The following SMPD3 variants were observed in gnomAD, a reference collection of about 807,000 sequenced individuals.
SMPD3 encodes nSMase-2.
Under a neutral mutation model 55.7 loss-of-function variants are expected in SMPD3, and 21 were observed. That is an observed-to-expected ratio of 0.38 (90% CI 0.27 to 0.54). SMPD3 has a LOEUF of 0.54. Among genes scored for constraint, SMPD3 ranks in the 20% least tolerant of loss-of-function variants. The probability of loss-of-function intolerance (pLI) is 0.80; values close to 1 mark genes in which losing one functional copy is unlikely to be tolerated. For synonymous variants in SMPD3, 457 were observed against 404.3 expected, an observed-to-expected ratio of 1.13 and a Z score of -1.56; for missense variants, 842 against 899.6, an observed-to-expected ratio of 0.94 and a Z score of 0.82.
intron 7 of SMPD3, among the ~76,000 whole-genome samples, chr16:68,361,967 G>A (rs981957770): frequency 2.0e-4 from 31 of 152,182 alleles, no homozygotes; most frequent in African/African-American, 7.5e-4. Flanking sequence ...CTGAATCTGG[G>A]CTCCGGAGCC....
chr16:68,443,781 A>G (rs2090586233), intron 1 of SMPD3, among the ~76,000 whole-genome samples: 1 of 152,264 alleles, frequency 6.6e-6, no homozygotes, highest in Non-Finnish European at 1.5e-5. Flanking sequence ...ATTTGATTAT[A>G]AACTTACATA....
At chr16:68,428,604 G>C (rs1391741301) in intron 1 of SMPD3, among the ~76,000 whole-genome samples, 2 of 152,224 alleles carry the variant, frequency 1.3e-5, no homozygotes, top group Non-Finnish European at 2.9e-5. Context: ...CGGTCACAGA[G>C]AGAAAAGGGC....
At chr16:68,384,897 G>C (rs1422521294) in intron 2 of SMPD3, among the ~76,000 whole-genome samples, 1 of 152,170 alleles carries the variant, frequency 6.6e-6, no homozygotes. Flanking sequence ...GGCCTCATCT[G>C]AGGCCACCTG....
At chr16:68,425,290 G>C (rs971784312) in intron 1 of SMPD3, among the ~76,000 whole-genome samples, 1 of 152,252 alleles carries the variant, frequency 6.6e-6, no homozygotes, top group Non-Finnish European at 1.5e-5. Context: ...CGAAGTCAAG[G>C]CTGGAACTGG....
intron 1 of SMPD3, among the ~76,000 whole-genome samples, chr16:68,388,795 C>G (rs1191093584): frequency 1.3e-5 from 2 of 152,148 alleles, no homozygotes; most frequent in Non-Finnish European, 2.9e-5. Context: ...CTTCTCTTTT[C>G]TCAAAGAAAA....
chr16:68,372,395 G>A lies in SMPD3; in HGVS notation c.-206-8C>T. ...GGAGGCCTACTGCAGACCCTGCAGAGACAAAAGTAGGGGGACTGTTTTTAG... is the reference window on the plus strand; with the variant it reads ...GGAGGCCTACTGCAGACCCTGCAGAAACAAAAGTAGGGGGACTGTTTTTAG... On this transcript the variant is annotated splice_polypyrimidine_tract_variant and splice_region_variant and intron_variant, in intron 2 of 8. Transcript: ENST00000219334. The A allele has an allele frequency of 3.2e-6, 2 of 619,666 alleles. No homozygotes were observed. Among genetic ancestry groups the A allele is most frequent in the South Asian group, 2.0e-5 (1 of 51,272 alleles). 38.4% of individuals were successfully genotyped at this position (619,666 alleles called of 1,614,324 possible).
chr16:68,377,875 G>T (rs2089858123), intron 2 of SMPD3, among the ~76,000 whole-genome samples: 1 of 152,222 alleles, frequency 6.6e-6, no homozygotes, highest in Non-Finnish European at 1.5e-5. Flanking sequence ...AGCCAGACCA[G>T]TTCTGCTGGT....
chr16:68,374,413 C>T lies in SMPD3; in HGVS notation c.-206-2026G>A, dbSNP rs573194327. On this transcript the variant is annotated intron_variant, in intron 2 of 8. Coordinates refer to ENST00000219334, the MANE Select transcript of SMPD3 (RefSeq NM_018667.4). ...AAATGCCTTTGAAGCCAACACTGGACGGGTGCAGTTTGGAGCAGCATGTGT... is the reference window on the plus strand; with the variant it reads ...AAATGCCTTTGAAGCCAACACTGGATGGGTGCAGTTTGGAGCAGCATGTGT... 3.4e-4 allele frequency among the ~76,000 whole-genome samples: 52 copies of T among 152,014 alleles called. No homozygotes were observed. In the South Asian group the frequency reaches 9.5e-3, roughly 28 times the overall value.
intron 1 of SMPD3, among the ~76,000 whole-genome samples, chr16:68,420,779 G>C (rs995201114): frequency 5.3e-5 from 8 of 152,186 alleles, no homozygotes; most frequent in Non-Finnish European, 1.2e-4. Flanking sequence ...TTCACATGAG[G>C]CCTCTCAGTC....
intron 1 of SMPD3, among the ~76,000 whole-genome samples, chr16:68,405,655 G>A (rs994835517): frequency 1.3e-5 from 2 of 151,816 alleles, no homozygotes; most frequent in Non-Finnish European, 2.9e-5. Flanking sequence ...ATACTCAGAT[G>A]AAAATAGTGA....
rs368608275 is a variant in SMPD3, at chr16:68,363,490, G to A, written c.1709+6C>T. ...CTCGTCCCTGGCCTGGGAGCGCAGT[G>A]CTTACTTCTGCAGGTTGTCGGGGGT... On this transcript the variant is annotated splice_donor_region_variant and intron_variant, in intron 7 of 8. Transcript: ENST00000219334. The A allele has an allele frequency of 2.4e-4, 391 of 1,613,992 alleles. No homozygotes were observed. The highest frequency in any genetic ancestry group is 3.0e-4 in the Non-Finnish European group (355 of 1,179,952).
chr16:68,397,256 C>G (rs1775300708), intron 1 of SMPD3, among the ~76,000 whole-genome samples: 1 of 152,228 alleles, frequency 6.6e-6, no homozygotes, highest in East Asian at 1.9e-4. Flanking sequence ...ACCCTTCCCT[C>G]TTACCTGCCT....
rs931260306 is a variant in SMPD3 at position 68,447,042 on chromosome 16, T to C, written c.-269+1311A>G. On this transcript the variant is annotated intron_variant, in intron 1 of 8. Transcript: ENST00000219334. This position sits in a 1 kb window ranked among gnomAD's most constrained non-coding sequence, Gnocchi z 5.1. ...TGCGCTTTGTCTCCCGCCCCGCTCCTGGCACGTTTCCGTGGAAGCTGCCCG... is the reference window on the plus strand; with the variant it reads ...TGCGCTTTGTCTCCCGCCCCGCTCCCGGCACGTTTCCGTGGAAGCTGCCCG... Among the ~76,000 whole-genome samples, 1 of 151,890 alleles carries C rather than the reference T, an allele frequency of 6.6e-6. No individual in the cohort carries two copies. The highest frequency in any genetic ancestry group is 2.4e-5 in the African/African-American group (1 of 41,358).
In SMPD3 at chr16:68,361,140, G is replaced by A; in HGVS notation, c.*66C>T. The A allele has an allele frequency of 6.9e-7, 1 of 1,459,050 alleles. No homozygotes were observed. The highest frequency in any genetic ancestry group is 9.5e-7 in the Non-Finnish European group (1 of 1,053,970). The allele number at this position is 1,459,050 out of a possible 1,614,324, so 90.4% of individuals were successfully genotyped here. On this transcript the variant is annotated 3_prime_UTR_variant, in exon 9 of 9. Coordinates refer to ENST00000219334, the MANE Select transcript of SMPD3 (RefSeq NM_018667.4). ...CCCCAAGCACCGGGCACTCGATGGA[G>A]GGGACATGGCCCAGGGATGGGCTGC...
intron 1 of SMPD3, among the ~76,000 whole-genome samples, chr16:68,401,322 G>C (rs1047876425): frequency 1.3e-5 from 2 of 152,186 alleles, no homozygotes; most frequent in Non-Finnish European, 2.9e-5. Context: ...TGATGTCACT[G>C]GCACTGGAGG....
intron 1 of SMPD3, among the ~76,000 whole-genome samples, chr16:68,442,817 A>G (rs1301135911): frequency 3.3e-5 from 5 of 152,354 alleles, no homozygotes; most frequent in African/African-American, 1.2e-4. Flanking sequence ...ATCTGTCTGC[A>G]GTCATATGAG....
At chr16:68,405,545 C>CAAAAA (rs67518521) in intron 1 of SMPD3, among the ~76,000 whole-genome samples, 206 of 72,258 alleles carry the variant, frequency 2.9e-3, no homozygotes, top group Non-Finnish European at 3.4e-3. Context: ...GACCCTGTCT[C>CAAAAA]AAAAAAAAAA....
rs1319093953 is a variant in SMPD3, at chr16:68,404,762, T to C, written c.-268-18103A>G. 6.6e-6 allele frequency among the ~76,000 whole-genome samples: 1 copy of C among 152,196 alleles called. No homozygotes were observed. Among genetic ancestry groups the C allele is most frequent in the Non-Finnish European group, 1.5e-5 (1 of 68,034 alleles). ...AAACACTGTTTCCAGGAGTACAGCA[T>C]AGAAAATAAGTCTTTCCATCCAAAT... is the stretch of plus-strand genomic sequence containing the variant. On this transcript the variant is annotated intron_variant, in intron 1 of 8. Transcript: ENST00000219334. This position sits in a 1 kb window ranked among gnomAD's most constrained non-coding sequence, Gnocchi z 4.0.
intron 2 of SMPD3, among the ~76,000 whole-genome samples, chr16:68,380,083 T>C (rs2089914528): frequency 6.6e-6 from 1 of 152,180 alleles, no homozygotes; most frequent in South Asian, 2.1e-4. Context: ...CTACCACCTG[T>C]CACTCCAAAG....
Sources: gnomAD v4.1 joint callset for allele counts (sites outside exome capture counted in the v4.1 genomes callset) on GRCh38, gnomAD v4.1.1 for gene constraint, Gnocchi (gnomAD v3.1) non-coding constraint, MANE v1.5 for transcripts, NCBI Gene and HGNC (gene_info 2026-07-23, HGNC 2026-07-21) for gene names.